Variants in SGK3 observed in about 807,000 individuals in gnomAD.
SGK3 encodes serine/threonine-protein kinase Sgk3.
A neutral mutation model predicts 68.5 loss-of-function variants in SGK3; 47 were observed. The observed-to-expected ratio is 0.69, with a 90% CI of 0.54 to 0.87. The LOEUF (loss-of-function observed/expected upper bound fraction) is 0.87. SGK3 is among the 40% of genes least tolerant of loss of function. The pLI is 0.00. For missense variants in SGK3, 479 were observed against 575.5 expected (o/e 0.83, Z 1.72); for synonymous variants, 181 against 189.1 (o/e 0.96, Z 0.35).
intron 11 of SGK3, 25 bp from the exon 12 acceptor site, chr8:66,840,186 C>A (rs375079742): frequency 1.3e-6 from 2 of 1,594,548 alleles, no homozygotes; most frequent in Middle Eastern, 1.8e-4. Context: ...TTCAGTTTTG[C>A]GTTTCTTTCC....
intron 1 of SGK3, among the ~76,000 whole-genome samples, chr8:66,742,083 G>T (rs771636651): frequency 1.2e-4 from 18 of 152,188 alleles, no homozygotes; most frequent in Non-Finnish European, 1.8e-4. Context: ...AGTGGGAAAA[G>T]AGCCCCAGAT....
intron 1 of SGK3, among the ~76,000 whole-genome samples, chr8:66,784,527 G>A (rs1807121669): frequency 6.6e-6 from 1 of 152,152 alleles, no homozygotes; most frequent in Admixed American, 6.5e-5. Context: ...TAAGGAAGTA[G>A]GGTTCAGAAA....
At chr8:66,852,431 G>A (rs570301737) in intron 16 of SGK3, among the ~76,000 whole-genome samples, 17 of 151,878 alleles carry the variant, frequency 1.1e-4, no homozygotes, top group East Asian at 1.9e-4. Context: ...ACAGGCATGC[G>A]CCACCACGCC....
chr8:66,777,848 T>TA (rs1318653763), intron 1 of SGK3: 1 of 152,248 alleles, frequency 6.6e-6, no homozygotes, highest in African/African-American at 2.4e-5. Flanking sequence ...ACAGTAGAAT[T>TA]AAGGCTTTAA....
At chr8:66,840,481 A>C (rs1341709891) in intron 12 of SGK3, among the ~76,000 whole-genome samples, 1 of 152,226 alleles carries the variant, frequency 6.6e-6, no homozygotes, top group Non-Finnish European at 1.5e-5. Context: ...GTGGTTACAC[A>C]AATCTATACA....
chr8:66,822,905 A>G (rs188921814), intron 6 of SGK3, among the ~76,000 whole-genome samples: 45 of 152,266 alleles, frequency 3.0e-4, no homozygotes, highest in Middle Eastern at 3.4e-3. Flanking sequence ...ACAGGCATGA[A>G]CCACTGTGCC....
intron 1 of SGK3, among the ~76,000 whole-genome samples, chr8:66,714,230 A>C (rs993623322): frequency 6.6e-6 from 1 of 152,246 alleles, no homozygotes. Context: ...TTTTGTTTGC[A>C]CACATCAACA....
intron 6 of SGK3, 74 bp downstream of exon 6, chr8:66,822,533 T>TA: frequency 7.1e-7 from 1 of 1,409,724 alleles, no homozygotes; most frequent in Admixed American, 2.0e-5. Flanking sequence ...TTAGGACACT[T>TA]ACTTCAAATG....
chr8:66,804,263 G>C, intron 3 of SGK3, 112 bp from the exon 4 acceptor site: 1 of 884,206 alleles, frequency 1.1e-6, no homozygotes, highest in Non-Finnish European at 1.6e-6. Context: ...AAATTCAAAA[G>C]TATGTCTTAT....
intron 6 of SGK3, among the ~76,000 whole-genome samples, chr8:66,823,800 G>C (rs1399238830): frequency 1.3e-5 from 2 of 152,124 alleles, no homozygotes; most frequent in Non-Finnish European, 2.9e-5. Context: ...TGTGGGAGAA[G>C]TAAATTGTAA....
At chr8:66,828,482 A>G (rs1459350000) in intron 6 of SGK3, among the ~76,000 whole-genome samples, 172 bp from the exon 7 acceptor site, 1 of 152,224 alleles carries the variant, frequency 6.6e-6, no homozygotes, top group Non-Finnish European at 1.5e-5. Flanking sequence ...GTTTTTGTCT[A>G]TGTGTATTTC....
intron 5 of SGK3, among the ~76,000 whole-genome samples, chr8:66,815,396 G>A (rs531817384): frequency 6.6e-6 from 1 of 152,298 alleles, no homozygotes; most frequent in East Asian, 1.9e-4. Context: ...AGAAGGGCAT[G>A]AAATTTGGTA....
chr8:66,794,559 A>T (rs1398494444), intron 2 of SGK3, among the ~76,000 whole-genome samples: 3 of 152,138 alleles, frequency 2.0e-5, no homozygotes, highest in Non-Finnish European at 4.4e-5. Flanking sequence ...CTACTGAGTA[A>T]TATGAAGAAA....
chr8:66,763,239 C>T (rs993822889), intron 1 of SGK3, among the ~76,000 whole-genome samples: 5 of 152,140 alleles, frequency 3.3e-5, no homozygotes, highest in African/African-American at 1.2e-4. Context: ...TTATGGTTAT[C>T]GAAAGGTAAA....
chr8:66,857,799 A>ATGTGTGTGTGTGTGTGTGTGTGTG (rs111758415), intron 16 of SGK3, among the ~76,000 whole-genome samples: 1 of 133,716 alleles, frequency 7.5e-6, no homozygotes, highest in African/African-American at 2.7e-5. Context: ...GTGTGTGTGT[A>ATGTGTGTGTGTGTGTGTGTGTGTG]TGTGTGTGTG....
intron 3 of SGK3, among the ~76,000 whole-genome samples, chr8:66,801,009 C>T (rs1315568165): frequency 6.6e-6 from 1 of 152,162 alleles, no homozygotes; most frequent in Non-Finnish European, 1.5e-5. Context: ...TGTTGCTACT[C>T]AGAAATAACT....
intron 1 of SGK3, among the ~76,000 whole-genome samples, chr8:66,774,373 G>C (rs1489674680): frequency 3.3e-5 from 5 of 152,064 alleles, no homozygotes; most frequent in Admixed American, 2.6e-4. Flanking sequence ...ATGAGGTCCA[G>C]GCTGGCCTGG....
At chr8:66,798,248 T>A (rs990190348) in intron 2 of SGK3, among the ~76,000 whole-genome samples, 1 of 151,998 alleles carries the variant, frequency 6.6e-6, no homozygotes, top group Non-Finnish European at 1.5e-5. Context: ...GCTCAAGTAA[T>A]CCTCCCACCT....
chr8:66,847,986 G>A (rs569755311), intron 15 of SGK3, among the ~76,000 whole-genome samples: 17 of 150,872 alleles, frequency 1.1e-4, no homozygotes, highest in Non-Finnish European at 1.2e-4. Context: ...CATTATGTTA[G>A]TGTGTCAGTA....
Sources: allele counts gnomAD v4.1 joint callset (sites outside exome capture counted in the v4.1 genomes callset), GRCh38; gene constraint gnomAD v4.1.1; transcripts MANE v1.5; gene names NCBI Gene and HGNC (gene_info 2026-07-23, HGNC 2026-07-21).